Variants in TRABD2B observed in about 807,000 individuals in gnomAD.
TRABD2B encodes the protein TraB domain containing 2B.
TRABD2B carries 14 observed loss-of-function variants against 40.1 expected under a neutral mutation model. That is an observed-to-expected ratio of 0.35 (90% CI 0.23 to 0.55). The LOEUF (loss-of-function observed/expected upper bound fraction) is 0.55, where lower values mean the gene tolerates loss of function less well. Ranked by LOEUF, TRABD2B falls within the 20% of genes least tolerant of loss-of-function variation. The probability of loss-of-function intolerance (pLI) is 0.90; values close to 1 mark genes in which losing one functional copy is unlikely to be tolerated. For missense variants in TRABD2B, 541 were observed against 648.6 expected (o/e 0.83, Z 1.80); for synonymous variants, 263 against 277.0 (o/e 0.95, Z 0.50).
chr1:47,941,703 T>G (rs1168631480), intron 2 of TRABD2B, among the ~76,000 whole-genome samples: 2 of 152,250 alleles, frequency 1.3e-5, no homozygotes, highest in Non-Finnish European at 2.9e-5. Flanking sequence ...CTACGCTCAC[T>G]TGCCTCTGTC....
chr1:47,791,049 C>T (rs2124191234), intron 4 of TRABD2B, among the ~76,000 whole-genome samples: 1 of 152,306 alleles, frequency 6.6e-6, no homozygotes, highest in East Asian at 1.9e-4. Context: ...TGCACTGAAG[C>T]CCCCTCAGAG....
Position 47,939,849 on chromosome 1 carries a change from A to ACTATTCCATAGCCTCCTTACTGGC in TRABD2B, c.666+54161_666+54184dup, listed in dbSNP as rs1365384129. ...AGCTCAGGCCTCTGGTAACTTCTGG[A>ACTATTCCATAGCCTCCTTACTGGC]CTATTCCATAGCCTCCTTACTGGCC... On this transcript the variant is annotated intron_variant, in intron 2 of 6. Coordinates refer to ENST00000606738, the MANE Select transcript of TRABD2B (RefSeq NM_001194986.2). Among the ~76,000 whole-genome samples the ACTATTCCATAGCCTCCTTACTGGC allele has an allele frequency of 2.0e-5, 3 of 152,136 alleles. No homozygotes were observed. In the East Asian group the frequency reaches 5.8e-4, roughly 29 times the overall value.
intron 2 of TRABD2B, among the ~76,000 whole-genome samples, chr1:47,938,128 C>T (rs1470022741): frequency 6.6e-6 from 1 of 152,188 alleles, no homozygotes; most frequent in Non-Finnish European, 1.5e-5. Flanking sequence ...TTAGATGAGG[C>T]CAAAGGGAAC....
At chr1:47,835,119 T>C (rs1209490125) in intron 2 of TRABD2B, among the ~76,000 whole-genome samples, 3 of 152,106 alleles carry the variant, frequency 2.0e-5, no homozygotes, top group Non-Finnish European at 2.9e-5. Context: ...CAAATAAACA[T>C]TCACATATTG....
Position 47,794,745 on chromosome 1 carries a change from T to G in TRABD2B, c.829A>C (p.Asn277His). The G allele has an allele frequency of 6.5e-7, 1 of 1,530,766 alleles. No homozygotes were observed. Among genetic ancestry groups the G allele is most frequent in the Non-Finnish European group, 8.7e-7 (1 of 1,144,236 alleles). 94.8% of individuals were successfully genotyped at this position (1,530,766 alleles called of 1,614,324 possible). A position where few individuals can be genotyped will look rare whatever the true frequency, so the allele number is the denominator to read the frequency against. Reference sequence around the variant, plus strand: ...TGCTCGTGTGGCGGGAGGGTGGTGTTGATAAAGTTGGGCAGCTGCAAAGGC... The same window carrying G: ...TGCTCGTGTGGCGGGAGGGTGGTGTGGATAAAGTTGGGCAGCTGCAAAGGC... ...HDTSQLPNFI[N>H]TTLPPHEQVT... Residue 277 changes from asparagine (N) to histidine (H), a missense_variant, in exon 4 of 7, where the codon AAC becomes CAC. Physicochemically the swap from Asn to His is moderately conservative, Grantham distance 68 (BLOSUM62 1). This residue lies in a region of TRABD2B where 369 missense variants were observed against 492.8 expected (regional missense o/e 0.75). Coordinates refer to ENST00000606738, the MANE Select transcript of TRABD2B (RefSeq NM_001194986.2).
intron 3 of TRABD2B, among the ~76,000 whole-genome samples, chr1:47,795,476 G>A (rs1644735978): frequency 6.6e-6 from 1 of 152,214 alleles, no homozygotes; most frequent in Non-Finnish European, 1.5e-5. Flanking sequence ...AGGATGTGCA[G>A]GGTCAGTTGA....
intron 2 of TRABD2B, among the ~76,000 whole-genome samples, chr1:47,922,736 T>C (rs1644918497): frequency 6.6e-6 from 1 of 152,212 alleles, no homozygotes; most frequent in Non-Finnish European, 1.5e-5. Context: ...CCTCTTCTGT[T>C]CATCTCCACA....
At chr1:47,924,820 C>T (rs959333382) in intron 2 of TRABD2B, among the ~76,000 whole-genome samples, 1 of 152,220 alleles carries the variant, frequency 6.6e-6, no homozygotes, top group Non-Finnish European at 1.5e-5. Flanking sequence ...GGTGCTCCCG[C>T]TGGCCTGCCT....
intron 2 of TRABD2B, among the ~76,000 whole-genome samples, chr1:47,878,005 GAAAAAAAAAA>G (rs761950614): frequency 8.1e-6 from 1 of 123,486 alleles, no homozygotes; most frequent in South Asian, 2.5e-4. Flanking sequence ...CTCCATCTCA[GAAAAAAAAAA>G]AAAAAGAACG....
intron 6 of TRABD2B, among the ~76,000 whole-genome samples, chr1:47,771,763 G>A (rs1040423744): frequency 6.6e-6 from 1 of 152,198 alleles, no homozygotes; most frequent in Non-Finnish European, 1.5e-5. Flanking sequence ...CACACGCTTC[G>A]TCTGCCCTTT....
chr1:47,919,493 G>A (rs1479504689), intron 2 of TRABD2B, among the ~76,000 whole-genome samples: 4 of 152,230 alleles, frequency 2.6e-5, no homozygotes, highest in African/African-American at 9.6e-5. Context: ...ATCTCTCCAA[G>A]GGAAGCTGGA....
At position 47,794,739 on chromosome 1, in the gene TRABD2B, T is replaced by C. The variant is rs753085750; in HGVS notation, c.835A>G (p.Thr279Ala). 20 of 1,525,278 alleles carry C rather than the reference T, an allele frequency of 1.3e-5. No homozygotes were observed. Among genetic ancestry groups the C allele is most frequent in the East Asian group, 2.5e-5 (1 of 40,332 alleles). 94.5% of individuals were successfully genotyped at this position (1,525,278 alleles called of 1,614,324 possible). Residue 279 changes from threonine (T) to alanine (A), a missense_variant, in exon 4 of 7, where the codon ACC becomes GCC. Thr to Ala is a moderately conservative substitution (Grantham distance 58). Around this residue, in one of 2 missense-constraint regions of TRABD2B, gnomAD observed 369 missense variants for 492.8 expected, o/e 0.75. Coordinates refer to ENST00000606738, the MANE Select transcript of TRABD2B (RefSeq NM_001194986.2). ...TSQLPNFINT[T>A]LPPHEQVTAQ... ...GTCACCTGCTCGTGTGGCGGGAGGG[T>C]GGTGTTGATAAAGTTGGGCAGCTGC... is the stretch of plus-strand genomic sequence containing the variant.
intron 2 of TRABD2B, among the ~76,000 whole-genome samples, chr1:47,821,539 C>G (rs561755072): frequency 6.6e-6 from 1 of 152,150 alleles, no homozygotes; most frequent in Non-Finnish European, 1.5e-5. Flanking sequence ...GGCAATGCCC[C>G]TGACAGGCAG....
chr1:47,789,131 G>A (rs1487372282), intron 4 of TRABD2B, among the ~76,000 whole-genome samples: 1 of 152,192 alleles, frequency 6.6e-6, no homozygotes, highest in African/African-American at 2.4e-5. Flanking sequence ...CTAGGTGTCA[G>A]CAATTCTGAG....
rs111900815 is a variant in TRABD2B, at chr1:47,828,885, C to T, written c.667-27266G>A. Among the ~76,000 whole-genome samples the T allele has an allele frequency of 6.0e-4, 91 of 152,340 alleles. 4 individuals are homozygous for T. The highest frequency in any genetic ancestry group is 2.1e-3 in the African/African-American group (88 of 41,584). On this transcript the variant is annotated intron_variant, in intron 2 of 6. Transcript: ENST00000606738. The stretch of plus-strand genomic sequence containing the variant: ...CAGGTGGCAGAGGCAGGGCTATGAC[C>T]CAGCCCCCTTCCCCACGAGCCTCTC...
At chr1:47,978,921 G>A (rs1418471011) in intron 2 of TRABD2B, among the ~76,000 whole-genome samples, 1 of 152,222 alleles carries the variant, frequency 6.6e-6, no homozygotes, top group Non-Finnish European at 1.5e-5. Flanking sequence ...AGGTTGTGGG[G>A]AAGAGCTGGG....
In TRABD2B at chr1:47,921,006, C is replaced by G. The variant is rs528604561; in HGVS notation, c.666+73028G>C. 3.3e-5 allele frequency among the ~76,000 whole-genome samples: 5 copies of G among 152,336 alleles called. No individual in the cohort carries two copies. In the South Asian group the frequency reaches 1.0e-3, roughly 32 times the overall value. On this transcript the variant is annotated intron_variant, in intron 2 of 6. Transcript: ENST00000606738. ...CAACTGCCTTAACTATGGAACTACC[C>G]ATTTTATTAAAGGAATTTAGAAACA... is the stretch of plus-strand genomic sequence containing the variant.
Position 47,943,181 on chromosome 1 carries a change from C to T in TRABD2B, c.666+50853G>A, listed in dbSNP as rs138629609. Among the ~76,000 whole-genome samples the T allele has an allele frequency of 1.5e-4, 23 of 152,336 alleles. No individual in the cohort carries two copies. The East Asian group carries it at 2.5e-3, about 17-fold the overall frequency. The stretch of plus-strand genomic sequence containing the variant: ...TGAAGATTCAACGAGGACACGCACA[C>T]GCAATCCCCACTCAAGGACATGGCA... On this transcript the variant is annotated intron_variant, in intron 2 of 6. Coordinates refer to ENST00000606738, the MANE Select transcript of TRABD2B (RefSeq NM_001194986.2).
At chr1:47,944,118 T>C (rs114985423) in intron 2 of TRABD2B, among the ~76,000 whole-genome samples, 2,663 of 152,074 alleles carry the variant, frequency 0.018, 78 homozygotes, top group African/African-American at 0.06. Flanking sequence ...ACCTGGGGAA[T>C]AAAGGATGAT....
Sources: allele counts gnomAD v4.1 joint callset (sites outside exome capture counted in the v4.1 genomes callset), GRCh38; gene constraint gnomAD v4.1.1; regional missense constraint gnomAD v4.1.1; transcripts MANE v1.5; gene names NCBI Gene and HGNC (gene_info 2026-07-23, HGNC 2026-07-21).